The following TNR variants were observed in gnomAD, a reference collection of about 807,000 sequenced individuals.
TNR encodes the protein tenascin-R.
TNR carries 45 observed loss-of-function variants against 150.4 expected under a neutral mutation model. The ratio of observed to expected loss-of-function variants is 0.30; its 90% CI spans 0.24 to 0.38. The LOEUF (loss-of-function observed/expected upper bound fraction) is 0.38. Ranked by LOEUF, TNR falls within the 10% of genes least tolerant of loss-of-function variation. TNR has a pLI of 1.00. For synonymous variants in TNR, 687 were observed against 678.4 expected (o/e 1.01, Z -0.20); for missense variants, 1,544 against 1,759.1 (o/e 0.88, Z 2.19).
chr1:175,535,004 A>G (rs1322812516), intron 1 of TNR, among the ~76,000 whole-genome samples: 1 of 152,104 alleles, frequency 6.6e-6, no homozygotes, highest in African/African-American at 2.4e-5. Context: ...CCCTTCCACC[A>G]TGATTGTAAG....
chr1:175,418,673 G>A (rs770226214), intron 2 of TNR, among the ~76,000 whole-genome samples: 16 of 151,864 alleles, frequency 1.1e-4, no homozygotes, highest in East Asian at 1.9e-4. Flanking sequence ...GCAGTGAGCC[G>A]AGATTGTGCC....
At chr1:175,539,666 C>T (rs541218752) in intron 1 of TNR, among the ~76,000 whole-genome samples, 5 of 152,262 alleles carry the variant, frequency 3.3e-5, no homozygotes, top group African/African-American at 1.2e-4. Context: ...TAGTTCCTTC[C>T]GGGAATGTGC....
chr1:175,654,642 C>T lies in TNR; in HGVS notation c.-165+88584G>A, dbSNP rs530551204. On this transcript the variant is annotated intron_variant, in intron 1 of 22. Coordinates refer to ENST00000367674, the MANE Select transcript of TNR (RefSeq NM_003285.3). ...TTGAAATGCATCCTCCTTCCTCCTA[C>T]ACAGCTGCCATCTGTCAAACTCTCT... Among the ~76,000 whole-genome samples, 4 of 151,732 alleles carry T rather than the reference C, an allele frequency of 2.6e-5. No individual in the cohort carries two copies. The South Asian group carries it at 8.4e-4, about 32-fold the overall frequency.
intron 1 of TNR, among the ~76,000 whole-genome samples, chr1:175,735,644 TCAAA>T (rs1451661596): frequency 2.0e-5 from 3 of 152,178 alleles, no homozygotes; most frequent in East Asian, 3.8e-4. Flanking sequence ...GTCAAAAAAT[TCAAA>T]CAATTACTCT....
intron 2 of TNR, among the ~76,000 whole-genome samples, chr1:175,423,878 C>T (rs1164768919): frequency 6.6e-6 from 1 of 152,144 alleles, no homozygotes; most frequent in African/African-American, 2.4e-5. Context: ...CTCAACAGAA[C>T]CAGGTATGAA....
At chr1:175,432,890 C>T (rs1655340321) in intron 2 of TNR, among the ~76,000 whole-genome samples, 1 of 152,070 alleles carries the variant, frequency 6.6e-6, no homozygotes, top group Admixed American at 6.6e-5. Context: ...TTAGGAGTGG[C>T]CAGGTAATCA....
intron 1 of TNR, among the ~76,000 whole-genome samples, chr1:175,730,726 A>T (rs1409684547): frequency 6.6e-6 from 1 of 152,162 alleles, no homozygotes; most frequent in Non-Finnish European, 1.5e-5. Flanking sequence ...CATATATACT[A>T]TGTTGGCTGG....
chr1:175,715,613 C>A (rs1248221049), intron 1 of TNR, among the ~76,000 whole-genome samples: 1 of 152,206 alleles, frequency 6.6e-6, no homozygotes, highest in Non-Finnish European at 1.5e-5. Context: ...GGGCTCCTCT[C>A]AGGAGCTAAG....
At chr1:175,462,167 G>A (rs1367621336) in intron 2 of TNR, among the ~76,000 whole-genome samples, 3 of 152,134 alleles carry the variant, frequency 2.0e-5, no homozygotes, top group African/African-American at 7.2e-5. Context: ...TAGTCCTTTT[G>A]GGGTTCAGTA....
intron 2 of TNR, among the ~76,000 whole-genome samples, chr1:175,500,959 A>T (rs567877830): frequency 3.7e-4 from 56 of 152,318 alleles, no homozygotes; most frequent in African/African-American, 1.3e-3. Context: ...GTTAGAGAGG[A>T]GTCCAAGATG....
intron 1 of TNR, among the ~76,000 whole-genome samples, chr1:175,579,371 C>A (rs1408287894): frequency 6.6e-6 from 1 of 152,046 alleles, no homozygotes; most frequent in African/African-American, 2.4e-5. Flanking sequence ...GGAAGACAAG[C>A]TTGCTGTGGG....
intron 19 of TNR, among the ~76,000 whole-genome samples, chr1:175,336,431 C>T (rs1650255262): frequency 6.6e-6 from 1 of 152,214 alleles, no homozygotes; most frequent in South Asian, 2.1e-4. Context: ...TCAAAACCTA[C>T]CCATTTTGCA....
chr1:175,665,196 C>T (rs2101899169), intron 1 of TNR, among the ~76,000 whole-genome samples: 1 of 152,296 alleles, frequency 6.6e-6, no homozygotes, highest in South Asian at 2.1e-4. Context: ...GAAAGTTGAG[C>T]TAGCACTTTG....
chr1:175,491,950 G>GC (rs1658279377), intron 2 of TNR, among the ~76,000 whole-genome samples: 2 of 152,124 alleles, frequency 1.3e-5, no homozygotes, highest in Non-Finnish European at 2.9e-5. Context: ...GCCCAGCCAG[G>GC]CCCAGACTTT....
intron 1 of TNR, among the ~76,000 whole-genome samples, chr1:175,544,186 G>C (rs905317536): frequency 6.6e-5 from 10 of 152,212 alleles, no homozygotes; most frequent in African/African-American, 2.4e-4. Flanking sequence ...GATTTTGGGG[G>C]AGATGGGAGA....
At chr1:175,734,554 A>C (rs1273087158) in intron 1 of TNR, among the ~76,000 whole-genome samples, 1 of 152,238 alleles carries the variant, frequency 6.6e-6, no homozygotes, top group East Asian at 1.9e-4. Context: ...GGAGCTGGTC[A>C]GGTGGGCTTT....
intron 9 of TNR, among the ~76,000 whole-genome samples, 198 bp from the exon 10 acceptor site, chr1:175,367,495 C>G (rs756391278): frequency 6.6e-6 from 1 of 152,198 alleles, no homozygotes; most frequent in Non-Finnish European, 1.5e-5. Flanking sequence ...AACCAGCCCA[C>G]GCAGAGCTTC....
intron 14 of TNR, among the ~76,000 whole-genome samples, chr1:175,361,235 G>A (rs1485405180): frequency 2.0e-5 from 3 of 152,306 alleles, no homozygotes; most frequent in Middle Eastern, 3.4e-3. Flanking sequence ...CTAAAGAAAT[G>A]AGTTTTTGAT....
At chr1:175,700,030 G>A (rs1329819959) in intron 1 of TNR, among the ~76,000 whole-genome samples, 1 of 151,920 alleles carries the variant, frequency 6.6e-6, no homozygotes, top group Admixed American at 6.6e-5. Flanking sequence ...AGAGGGAATG[G>A]GGAGGGAGTG....
Sources: gnomAD v4.1 joint callset for allele counts (sites outside exome capture counted in the v4.1 genomes callset) on GRCh38, gnomAD v4.1.1 for gene constraint, MANE v1.5 for transcripts, NCBI Gene and HGNC (gene_info 2026-07-23, HGNC 2026-07-21) for gene names.